The following DACH2 variants were observed in gnomAD, a reference collection of about 807,000 sequenced individuals.
DACH2 encodes dachshund family transcription factor 2.
DACH2 carries 17 observed loss-of-function variants against 35.8 expected under a neutral mutation model. The observed-to-expected ratio is 0.48, with a 90% confidence interval of 0.33 to 0.71. The LOEUF (loss-of-function observed/expected upper bound fraction) is 0.71, where lower values mean the gene tolerates loss of function less well. DACH2 is among the 30% of genes least tolerant of loss of function. The pLI is 0.02. For missense variants in DACH2, 469 were observed against 472.7 expected (o/e 0.99, Z 0.07); for synonymous variants, 195 against 177.3 (o/e 1.10, Z -0.79).
chrX:86,275,408 A>T (rs758956749), intron 1 of DACH2, among the ~76,000 whole-genome samples: 3 of 111,173 alleles, frequency 2.7e-5, no homozygotes, highest in African/African-American at 6.5e-5. Context: ...AAAGTTTTTC[A>T]TTTTAATTTT....
chrX:86,827,134 T>C (rs975554372), intron 11 of DACH2, among the ~76,000 whole-genome samples: 1 of 111,652 alleles, frequency 9.0e-6, no homozygotes, highest in Non-Finnish European at 1.9e-5. Flanking sequence ...TTATTGTAAA[T>C]ATAAACCTCT....
intron 3 of DACH2, among the ~76,000 whole-genome samples, chrX:86,564,775 T>A (rs183533875): frequency 6.3e-5 from 7 of 111,711 alleles, no homozygotes; most frequent in Non-Finnish European, 1.3e-4. Flanking sequence ...ATTTAATTGT[T>A]CCACCTACTT....
intron 1 of DACH2, among the ~76,000 whole-genome samples, chrX:86,291,074 T>G (rs1229238000): frequency 9.8e-6 from 1 of 101,681 alleles, no homozygotes. Context: ...TGTTCTTCCA[T>G]TTGTTTGTAT....
intron 1 of DACH2, among the ~76,000 whole-genome samples, chrX:86,335,524 G>C (rs966995117): frequency 9.0e-6 from 1 of 111,276 alleles, no homozygotes; most frequent in African/African-American, 3.3e-5. Context: ...ATTGTGAAAG[G>C]AACTTCACTC....
At chrX:86,803,442 G>C (rs139085873) in intron 7 of DACH2, among the ~76,000 whole-genome samples, 4,654 of 111,359 alleles carry the variant, frequency 0.042, 233 homozygotes, top group African/African-American at 0.14. Context: ...GAGACTAAGA[G>C]TTGACCAGAA....
chrX:86,703,007 GA>G (rs1056498816), intron 5 of DACH2, among the ~76,000 whole-genome samples: 20 of 110,707 alleles, frequency 1.8e-4, no homozygotes, highest in African/African-American at 6.6e-4. Context: ...GAACCTAAAT[GA>G]AAAAATCCTC....
At chrX:86,347,804 T>C (rs1037646007) in intron 1 of DACH2, among the ~76,000 whole-genome samples, 2 of 112,554 alleles carry the variant, frequency 1.8e-5, no homozygotes, top group African/African-American at 6.5e-5. Flanking sequence ...GAAACAGGTT[T>C]CATTCCATTA....
rs1376453072 is a variant in DACH2 at position 86,651,151 on chromosome X, T to A, written c.756T>A (p.Asp252Glu). ...SQNGTESEPD[D>E]LNSNTGGSES... Reference sequence around the variant, plus strand: ...ATGGGACCGAATCAGAGCCTGATGATCTTAATTCTAACACAGGTGAGTGTC... The same window carrying A: ...ATGGGACCGAATCAGAGCCTGATGAACTTAATTCTAACACAGGTGAGTGTC... Residue 252 changes from aspartate to glutamate, a missense_variant, in exon 4 of 12, where the codon GAT becomes GAA. Coordinates refer to ENST00000373125, the MANE Select transcript of DACH2 (RefSeq NM_053281.3). The A allele has an allele frequency of 8.3e-7, 1 of 1,206,872 alleles. No individual in the cohort carries two copies.
intron 4 of DACH2, among the ~76,000 whole-genome samples, chrX:86,666,312 T>TGA (rs1556363112): frequency 5.2e-4 from 52 of 99,714 alleles, no homozygotes; most frequent in South Asian, 3.2e-3. Flanking sequence ...TGTGTGTGTG[T>TGA]GAGAGAGAGA....
chrX:86,322,144 C>T (rs907991211), intron 1 of DACH2, among the ~76,000 whole-genome samples: 5 of 110,900 alleles, frequency 4.5e-5, no homozygotes, highest in Non-Finnish European at 9.4e-5. Context: ...AGGGCTGAGT[C>T]GATTGTGCAA....
intron 1 of DACH2, among the ~76,000 whole-genome samples, chrX:86,301,387 G>T (rs1399578044): frequency 9.0e-6 from 1 of 111,504 alleles, no homozygotes; most frequent in Non-Finnish European, 1.9e-5. Context: ...TTGCCCTTCT[G>T]CTTCAGTGAT....
chrX:86,244,034 A>G (rs1389753976), intron 1 of DACH2, among the ~76,000 whole-genome samples: 1 of 112,043 alleles, frequency 8.9e-6, no homozygotes, highest in Non-Finnish European at 1.9e-5. Context: ...GGGAAATTCA[A>G]TGAACCTTTT....
At chrX:86,610,299 G>T (rs995163450) in intron 3 of DACH2, among the ~76,000 whole-genome samples, 1 of 110,381 alleles carries the variant, frequency 9.1e-6, no homozygotes, top group African/African-American at 3.3e-5. Context: ...AGACCCAAAG[G>T]TTTCTTTCTT....
chrX:86,624,060 C>CAAAAAAAAAAAAAAAAAAAA (rs34140706), intron 3 of DACH2, among the ~76,000 whole-genome samples: 2 of 36,060 alleles, frequency 5.5e-5, no homozygotes, highest in African/African-American at 1.0e-4. Context: ...AAAAACAAAA[C>CAAAAAAAAAAAAAAAAAAAA]AAAAAAAAAA....
intron 3 of DACH2, among the ~76,000 whole-genome samples, chrX:86,555,294 G>A (rs1398120079): frequency 9.0e-6 from 1 of 111,535 alleles, no homozygotes; most frequent in East Asian, 2.8e-4. Context: ...AATGAGTTTT[G>A]TAGAAAGTTG....
At chrX:86,741,304 T>A (rs182121740) in intron 7 of DACH2, among the ~76,000 whole-genome samples, 4 of 111,636 alleles carry the variant, frequency 3.6e-5, no homozygotes, top group African/African-American at 1.3e-4. Context: ...GCCCTTTAGC[T>A]TCATAGTGAG....
At chrX:86,168,900 AG>A (rs2031034544) in intron 1 of DACH2, among the ~76,000 whole-genome samples, 1 of 111,164 alleles carries the variant, frequency 9.0e-6, no homozygotes, top group Non-Finnish European at 1.9e-5. Flanking sequence ...TTCGTTGTTT[AG>A]TCTTTTCACT....
chrX:86,526,340 C>T (rs2038631927), intron 3 of DACH2, among the ~76,000 whole-genome samples: 1 of 111,379 alleles, frequency 9.0e-6, no homozygotes, highest in African/African-American at 3.3e-5. Context: ...ATCCTTGGCA[C>T]CTAGAACTCA....
chrX:86,701,762 G>A (rs921754286), intron 5 of DACH2, among the ~76,000 whole-genome samples: 65 of 111,450 alleles, frequency 5.8e-4, no homozygotes, highest in Non-Finnish European at 1.7e-4. Flanking sequence ...ACTAATGCAC[G>A]AACAGAAAAC....
Sources: gnomAD v4.1 joint callset for allele counts (sites outside exome capture counted in the v4.1 genomes callset) on GRCh38, gnomAD v4.1.1 for gene constraint, MANE v1.5 for transcripts, NCBI Gene and HGNC (gene_info 2026-07-23, HGNC 2026-07-21) for gene names.